The following CADM2 variants were observed in gnomAD, a reference collection of about 807,000 sequenced individuals.
The protein encoded by CADM2 is immunoglobulin superfamily member 4D.
Under a neutral mutation model 49.8 loss-of-function variants are expected in CADM2, and 12 were observed. That is an observed-to-expected ratio of 0.24 (90% CI 0.15 to 0.39). The LOEUF is 0.39. Ranked by LOEUF, CADM2 falls within the 10% of genes least tolerant of loss-of-function variation. The probability of loss-of-function intolerance (pLI) is 1.00; values close to 1 mark genes in which losing one functional copy is unlikely to be tolerated. For missense variants in CADM2, 378 were observed against 492.3 expected, an observed-to-expected ratio of 0.77 and a Z score of 2.20; for synonymous variants, 214 against 175.4, an observed-to-expected ratio of 1.22 and a Z score of -1.74.
At chr3:85,000,147 T>C (rs549748512) in intron 1 of CADM2, among the ~76,000 whole-genome samples, 7 of 148,600 alleles carry the variant, frequency 4.7e-5, no homozygotes, top group East Asian at 2.0e-4. Context: ...TCTCTCTCTC[T>C]CCCTGCCCCA....
intron 7 of CADM2, among the ~76,000 whole-genome samples, chr3:85,955,960 C>A (rs370104496): frequency 6.6e-6 from 1 of 151,522 alleles, no homozygotes; most frequent in South Asian, 2.1e-4. Flanking sequence ...GAAAAAATAT[C>A]TTTAGATATA....
chr3:85,454,347 T>TA (rs1462145488), intron 1 of CADM2, among the ~76,000 whole-genome samples: 3 of 151,424 alleles, frequency 2.0e-5, no homozygotes, highest in Admixed American at 2.0e-4. Context: ...AAAAAGTTTT[T>TA]AAAAAAATGC....
At chr3:85,270,751 A>C (rs1343088397) in intron 1 of CADM2, among the ~76,000 whole-genome samples, 1 of 151,362 alleles carries the variant, frequency 6.6e-6, no homozygotes, top group Non-Finnish European at 1.5e-5. Context: ...TAAGTAGAAC[A>C]CTTATGTGCC....
intron 1 of CADM2, among the ~76,000 whole-genome samples, chr3:85,239,315 T>A (rs1380907767): frequency 6.6e-6 from 1 of 151,784 alleles, no homozygotes; most frequent in Non-Finnish European, 1.5e-5. Context: ...TGGCAGACTG[T>A]GTGAAAAACA....
Position 85,478,803 on chromosome 3 carries a change from C to T in CADM2, c.62-247719C>T, listed in dbSNP as rs181583535. On this transcript the variant is annotated intron_variant, in intron 1 of 9. Transcript: ENST00000383699. ...GCTTTGGATATTGCTAAAGGGAAATCAGCAATAGGAAATAGTATATTGTTA... is the reference window on the plus strand; with the variant it reads ...GCTTTGGATATTGCTAAAGGGAAATTAGCAATAGGAAATAGTATATTGTTA... Among the ~76,000 whole-genome samples, 315 of 151,968 alleles carry T rather than the reference C, an allele frequency of 2.1e-3. 2 individuals carry two copies. Among genetic ancestry groups the T allele is most frequent in the African/African-American group, 7.3e-3 (301 of 41,490 alleles).
chr3:85,714,580 C>G (rs2067223015), intron 1 of CADM2, among the ~76,000 whole-genome samples: 1 of 151,926 alleles, frequency 6.6e-6, no homozygotes, highest in Non-Finnish European at 1.5e-5. Flanking sequence ...ACACCCGCCA[C>G]CACGCCCGGC....
chr3:85,117,802 CT>C (rs2038697799), intron 1 of CADM2, among the ~76,000 whole-genome samples: 1 of 152,062 alleles, frequency 6.6e-6, no homozygotes, highest in South Asian at 2.1e-4. Context: ...GTCTATTTCA[CT>C]GGTTATTTTC....
At chr3:85,229,192 A>T (rs1326395544) in intron 1 of CADM2, among the ~76,000 whole-genome samples, 1 of 152,068 alleles carries the variant, frequency 6.6e-6, no homozygotes, top group East Asian at 1.9e-4. Flanking sequence ...TCAATCTCAG[A>T]CTGCTCTGCT....
At position 85,008,356 on chromosome 3, in the gene CADM2, T is replaced by C. The variant is rs1026472438; in HGVS notation, c.61+48688T>C. On this transcript the variant is annotated intron_variant, in intron 1 of 9. Transcript: ENST00000383699. ...TATTCCCAGTCAGAAGTGGTCTCAT[T>C]TGATGGTAATACACCCATTCAATTT... 9.8e-5 allele frequency among the ~76,000 whole-genome samples: 15 copies of C among 152,292 alleles called. No homozygotes were observed. The East Asian group carries it at 2.7e-3, about 27-fold the overall frequency.
At chr3:84,977,501 C>T (rs1158849439) in intron 1 of CADM2, among the ~76,000 whole-genome samples, 1 of 151,944 alleles carries the variant, frequency 6.6e-6, no homozygotes, top group East Asian at 1.9e-4. Context: ...TTCTAGTTGA[C>T]TTTGTGAAAA....
intron 2 of CADM2, among the ~76,000 whole-genome samples, chr3:85,790,739 C>G (rs188702337): frequency 6.6e-6 from 1 of 152,154 alleles, no homozygotes; most frequent in African/African-American, 2.4e-5. Flanking sequence ...TATCAGGAGG[C>G]GAAAGCCCTT....
At chr3:85,894,987 A>T (rs977645749) in intron 5 of CADM2, among the ~76,000 whole-genome samples, 1 of 152,198 alleles carries the variant, frequency 6.6e-6, no homozygotes, top group Non-Finnish European at 1.5e-5. Context: ...ATGTGGAAGG[A>T]TAATTGGGGT....
intron 1 of CADM2, among the ~76,000 whole-genome samples, chr3:85,721,487 C>G (rs1313743812): frequency 6.6e-6 from 1 of 152,012 alleles, no homozygotes. Context: ...CTGCCAAGGG[C>G]GAGTGAGGTG....
In CADM2 at chr3:85,385,566, G is replaced by A. The variant is rs1341507020; in HGVS notation, c.62-340956G>A. ...AATCTATCAAATAAATAATAGCACA[G>A]GAAAGAATTGAGTTTTGGCAGGTTC... On this transcript the variant is annotated intron_variant, in intron 1 of 9. Coordinates refer to ENST00000383699, the MANE Select transcript of CADM2 (RefSeq NM_001167675.2). 3.9e-5 allele frequency: 6 copies of A among 152,218 alleles called. No individual in the cohort carries two copies. The East Asian group carries it at 1.2e-3, about 29-fold the overall frequency. 9.4% of individuals were successfully genotyped at this position (152,218 alleles called of 1,614,324 possible).
intron 1 of CADM2, among the ~76,000 whole-genome samples, chr3:85,077,034 T>G (rs535154933): frequency 2.2e-4 from 33 of 152,330 alleles, no homozygotes; most frequent in Admixed American, 1.6e-3. Flanking sequence ...TTGTATATGT[T>G]TGACTGAGAA....
At chr3:85,103,687 G>A (rs1362799956) in intron 1 of CADM2, among the ~76,000 whole-genome samples, 4 of 152,100 alleles carry the variant, frequency 2.6e-5, no homozygotes, top group Non-Finnish European at 5.9e-5. Context: ...ATGCACAAAG[G>A]TGGGTACTTT....
chr3:85,380,622 G>C (rs928635976), intron 1 of CADM2, among the ~76,000 whole-genome samples: 11 of 151,768 alleles, frequency 7.2e-5, no homozygotes, highest in African/African-American at 2.7e-4. Context: ...TTTTGAAATA[G>C]AGCACAAATA....
intron 1 of CADM2, among the ~76,000 whole-genome samples, chr3:85,355,159 G>A (rs1323351280): frequency 6.6e-6 from 1 of 152,100 alleles, no homozygotes; most frequent in African/African-American, 2.4e-5. Flanking sequence ...AGGAGGCATT[G>A]TGAAACTGGT....
intron 1 of CADM2, among the ~76,000 whole-genome samples, chr3:85,535,335 G>A (rs1010705913): frequency 6.6e-6 from 1 of 152,250 alleles, no homozygotes; most frequent in Admixed American, 6.5e-5. Context: ...TACAGAATAT[G>A]TTGGAGGTTT....
Sources: gnomAD v4.1 joint callset for allele counts (sites outside exome capture counted in the v4.1 genomes callset) on GRCh38, gnomAD v4.1.1 for gene constraint, MANE v1.5 for transcripts, NCBI Gene and HGNC (gene_info 2026-07-23, HGNC 2026-07-21) for gene names.